The following ALPK1 variants were observed in gnomAD, a reference collection of about 807,000 sequenced individuals.
ALPK1 encodes the protein alpha-protein kinase 1.
Under a neutral mutation model 120.6 loss-of-function variants are expected in ALPK1, and 110 were observed. That is an observed-to-expected ratio of 0.91 (90% CI 0.78 to 1.07). The LOEUF is 1.07. ALPK1 is among the 50% of genes least tolerant of loss of function. The probability of loss-of-function intolerance (pLI) is 0.00; values close to 1 mark genes in which losing one functional copy is unlikely to be tolerated. For synonymous variants in ALPK1, 582 were observed against 560.3 expected, an observed-to-expected ratio of 1.04 and a Z score of -0.55; for missense variants, 1,498 against 1,483.9, an observed-to-expected ratio of 1.01 and a Z score of -0.16.
At chr4:112,383,253 CG>C (rs1253867009) in intron 4 of ALPK1, 2 of 151,566 alleles carry the variant, frequency 1.3e-5, no homozygotes, top group African/African-American at 4.9e-5. Flanking sequence ...CACATTCTCT[CG>C]GAAGATTGTC....
Position 112,431,990 on chromosome 4 carries a change from A to G in ALPK1, c.2443A>G (p.Met815Val), listed in dbSNP as rs1380366703. The G allele has an allele frequency of 1.9e-6, 3 of 1,614,160 alleles. No homozygotes were observed. The highest frequency in any genetic ancestry group is 1.7e-5 in the Admixed American group (1 of 60,026). Residue 815 changes from methionine to valine, a missense_variant, in exon 11 of 16, where the codon ATG (methionine) becomes GTG (valine). Physicochemically the swap from Met to Val is conservative, Grantham distance 21. Transcript: ENST00000650871. ...VLHNSLGNIS[M>V]LPCSSFTPNW... ...GCACAATTCTCTGGGAAACATTTCC[A>G]TGCTGCCATGTAGCTCCTTCACCCC...
chr4:112,298,498 C>T (rs113163430), intron 1 of ALPK1, among the ~76,000 whole-genome samples: 2 of 152,108 alleles, frequency 1.3e-5, no homozygotes, highest in Admixed American at 6.5e-5. Context: ...AATACTTAAA[C>T]TTATTTTAGA....
chr4:112,432,002 A>G lies in ALPK1; in HGVS notation c.2455A>G (p.Ser819Gly), dbSNP rs762565492. The G allele has an allele frequency of 1.4e-5, 22 of 1,613,984 alleles. No individual in the cohort carries two copies. The highest frequency in any genetic ancestry group is 1.7e-5 in the Admixed American group (1 of 59,980). ...GGGAAACATTTCCATGCTGCCATGT[A>G]GCTCCTTCACCCCTAATTGGCCTGT... ...SLGNISMLPC[S>G]SFTPNWPVQN... The change falls in exon 11 of 16, where the codon AGC becomes GGC. Residue 819 changes from serine (S) to glycine (G), a missense_variant. By Grantham distance (56) the Ser-to-Gly change is moderately conservative. Coordinates refer to ENST00000650871, the MANE Select transcript of ALPK1 (RefSeq NM_025144.4).
intron 5 of ALPK1, among the ~76,000 whole-genome samples, chr4:112,418,523 G>A (rs907883423): frequency 3.3e-5 from 5 of 152,202 alleles, no homozygotes; most frequent in African/African-American, 7.2e-5. Flanking sequence ...TGTTGTAGGA[G>A]TCAGGCATTT....
intron 2 of ALPK1, among the ~76,000 whole-genome samples, chr4:112,338,265 C>A (rs1197840452): frequency 6.6e-6 from 1 of 152,164 alleles, no homozygotes; most frequent in Non-Finnish European, 1.5e-5. Context: ...CGCGCCCGGC[C>A]GTCATTTTAA....
At chr4:112,438,463 G>A (rs1273786102) in intron 12 of ALPK1, 21 bp from the exon 13 acceptor site, 3 of 1,608,420 alleles carry the variant, frequency 1.9e-6, no homozygotes, top group East Asian at 2.2e-5. Flanking sequence ...ATTTTGTTGT[G>A]TGGATTTTCT....
intron 4 of ALPK1, among the ~76,000 whole-genome samples, chr4:112,387,265 T>A (rs1422842028): frequency 6.6e-6 from 1 of 152,198 alleles, no homozygotes; most frequent in African/African-American, 2.4e-5. Flanking sequence ...AAATAAAATA[T>A]GAAAGTAAAG....
At chr4:112,414,023 C>T (rs1252889326) in intron 5 of ALPK1, among the ~76,000 whole-genome samples, 2 of 152,166 alleles carry the variant, frequency 1.3e-5, no homozygotes, top group African/African-American at 4.8e-5. Context: ...GAGCCTCCAC[C>T]TACACTGGGT....
chr4:112,385,707 T>C (rs1397128257), intron 4 of ALPK1, among the ~76,000 whole-genome samples: 2 of 152,226 alleles, frequency 1.3e-5, no homozygotes, highest in Non-Finnish European at 2.9e-5. Context: ...TTCCATGATT[T>C]GTTTTTGTTT....
chr4:112,304,306 A>G (rs1727926850), intron 1 of ALPK1, among the ~76,000 whole-genome samples: 1 of 152,092 alleles, frequency 6.6e-6, no homozygotes, highest in Non-Finnish European at 1.5e-5. Flanking sequence ...CTAGTTCTAG[A>G]TCCTTGAGAA....
rs1289212661 is a variant in ALPK1, at chr4:112,376,798, T to C, written c.-100-880T>C. On this transcript the variant is annotated intron_variant, in intron 2 of 15. Transcript: ENST00000650871. The stretch of plus-strand genomic sequence containing the variant: ...TAAAATTCTACATGCCCTCCAGGAG[T>C]GTCTAAACCTGACAGCAGCTCCACT... 6.6e-5 allele frequency among the ~76,000 whole-genome samples: 10 copies of C among 152,230 alleles called. No homozygotes were observed. In the South Asian group the frequency reaches 2.1e-3, roughly 32 times the overall value.
rs1314506458 is a variant in ALPK1 at position 112,411,872 on chromosome 4, G to A, written c.322G>A (p.Ala108Thr). 2 of 1,613,634 alleles carry A rather than the reference G, an allele frequency of 1.2e-6. No individual in the cohort carries two copies. Among genetic ancestry groups the A allele is most frequent in the African/African-American group, 2.7e-5 (2 of 74,904 alleles). Residue 108 changes from alanine to threonine, a missense_variant, in exon 5 of 16, where the codon GCG becomes ACG. Coordinates refer to ENST00000650871, the MANE Select transcript of ALPK1 (RefSeq NM_025144.4). The stretch of plus-strand genomic sequence containing the variant: ...CCTCGCTCGGGACTGTGCGGCTGCG[G>A]CGGCTATTGTGTTCTTGGTGGACCG... Reference protein sequence around the residue: ...SILARDCAAAAAIVFLVDRFL... With the variant: ...SILARDCAAATAIVFLVDRFL...
At chr4:112,364,781 G>C (rs1274408691) in intron 2 of ALPK1, among the ~76,000 whole-genome samples, 1 of 152,052 alleles carries the variant, frequency 6.6e-6, no homozygotes, top group Non-Finnish European at 1.5e-5. Flanking sequence ...CAATTTCCCT[G>C]ATGAACATAG....
chr4:112,359,787 A>T, intron 2 of ALPK1: 1 of 429,744 alleles, frequency 2.3e-6, no homozygotes, highest in South Asian at 1.8e-5. Flanking sequence ...GAAGCAGAGC[A>T]TCATGCAGGT....
intron 2 of ALPK1, among the ~76,000 whole-genome samples, chr4:112,362,149 A>G (rs535118016): frequency 1.2e-4 from 19 of 152,362 alleles, no homozygotes; most frequent in South Asian, 6.2e-4. Context: ...GAACCAGACA[A>G]ACAATTCTGG....
chr4:112,351,581 C>A (rs1409847377), intron 2 of ALPK1, among the ~76,000 whole-genome samples: 1 of 151,952 alleles, frequency 6.6e-6, no homozygotes, highest in Non-Finnish European at 1.5e-5. Context: ...CCAAGCAATT[C>A]TAATGCTTCA....
chr4:112,311,523 C>A (rs1410589564), intron 1 of ALPK1, among the ~76,000 whole-genome samples: 2 of 152,228 alleles, frequency 1.3e-5, no homozygotes, highest in Admixed American at 6.5e-5. Context: ...TTAATCCATT[C>A]TAACCCTGCT....
intron 1 of ALPK1, among the ~76,000 whole-genome samples, chr4:112,302,914 C>T (rs1727855054): frequency 6.6e-6 from 1 of 152,198 alleles, no homozygotes; most frequent in African/African-American, 2.4e-5. Flanking sequence ...AACTTACTTA[C>T]ATTCATGTAT....
At chr4:112,371,317 A>G (rs1731393957) in intron 2 of ALPK1, among the ~76,000 whole-genome samples, 1 of 152,182 alleles carries the variant, frequency 6.6e-6, no homozygotes, top group African/African-American at 2.4e-5. Context: ...TCCTCCTGCT[A>G]CCAGTAGTTT....
Sources: allele counts gnomAD v4.1 joint callset (sites outside exome capture counted in the v4.1 genomes callset), GRCh38; gene constraint gnomAD v4.1.1; transcripts MANE v1.5; gene names NCBI Gene and HGNC (gene_info 2026-07-23, HGNC 2026-07-21).